The following BCAP31 variants were observed in gnomAD, a reference collection of about 807,000 sequenced individuals.
BCAP31 encodes B cell receptor associated protein 31, also known as B-cell receptor-associated protein 31.
For synonymous variants in BCAP31, 75 were observed against 80.9 expected (o/e 0.93, Z 0.39); for missense variants, 124 against 193.0 (o/e 0.64, Z 2.12).
At chrX:153,714,086 A>G (rs2091610500) in intron 4 of BCAP31, among the ~76,000 whole-genome samples, 1 of 107,994 alleles carries the variant, frequency 9.3e-6, no homozygotes, top group Non-Finnish European at 1.9e-5. Flanking sequence ...CATGTTGGCC[A>G]GGCTGGTCTC....
At chrX:153,724,163 G>A (rs1302521693) in intron 1 of BCAP31, 171 bp downstream of exon 1, 1 of 245,185 alleles carries the variant, frequency 4.1e-6, no homozygotes, top group Non-Finnish European at 7.5e-6. Flanking sequence ...CCAGCTTCTA[G>A]AGGCGCCGCC....
chrX:153,703,934 T>C, intron 5 of BCAP31, 25 bp downstream of exon 5: 1 of 1,206,983 alleles, frequency 8.3e-7, no homozygotes, highest in East Asian at 3.0e-5. Context: ...GGACGCCCCA[T>C]GGTGGGTCGG....
chrX:153,718,776 T>C (rs782749520), intron 3 of BCAP31, among the ~76,000 whole-genome samples: 3 of 111,713 alleles, frequency 2.7e-5, no homozygotes, highest in African/African-American at 9.8e-5. Flanking sequence ...ATAGTGGGGA[T>C]GGGGGACTGA....
At position 153,703,969 on chromosome X, in the gene BCAP31, T is replaced by C; in HGVS notation, c.467A>G (p.Gln156Arg). The change falls in exon 5 of 8, where the codon CAG becomes CGG. Residue 156 changes from glutamine to arginine, a missense_variant. By Grantham distance (43) the Gln-to-Arg change is conservative. Transcript: ENST00000345046. ...AAKKYMEENDQLKKGAAVDGG... is the reference protein window; with the variant it reads ...AAKKYMEENDRLKKGAAVDGG... Reference sequence around the variant, plus strand: ...GGAAGCTGGGCTCACCTTCTTGAGCTGGTCATTCTCCTCCATGTACTTCTT... The same window carrying C: ...GGAAGCTGGGCTCACCTTCTTGAGCCGGTCATTCTCCTCCATGTACTTCTT... 1 of 1,211,338 alleles carries C rather than the reference T, an allele frequency of 8.3e-7. No individual in the cohort carries two copies. Among genetic ancestry groups the C allele is most frequent in the Non-Finnish European group, 1.1e-6 (1 of 895,106 alleles).
chrX:153,704,014 T>C lies in BCAP31; in HGVS notation c.422A>G (p.Glu141Gly). 1 of 1,211,552 alleles carries C rather than the reference T, an allele frequency of 8.3e-7. No homozygotes were observed. The highest frequency in any genetic ancestry group is 1.1e-6 in the Non-Finnish European group (1 of 895,320). Residue 141 changes from glutamate to glycine, a missense_variant, in exon 5 of 8, where the codon GAG (glutamate) becomes GGG (glycine). Transcript: ENST00000345046. ...CTTCTTGGCCGCCTCACTAGCACTC[T>C]CCGCCTGCTTTTTAAAGGCTTCATT... The part of the protein sequence containing the change: ...ASNEAFKKQA[E>G]SASEAAKKYM...
At position 153,720,917 on chromosome X, in the gene BCAP31, T is replaced by C; in HGVS notation, c.148A>G (p.Thr50Ala). The part of the protein sequence containing the change: ...LVELLVSYGN[T>A]FFVVLIVILV... ...ATGACAATGAGAACCACAAAGAAGG[T>C]GTTGCCATAGGACACTAACAACTCC... The change falls in exon 3 of 8, where the codon ACC becomes GCC. Residue 50 changes from threonine to alanine, a missense_variant. Coordinates refer to ENST00000345046, the MANE Select transcript of BCAP31 (RefSeq NM_001256447.2). 8.3e-7 allele frequency: 1 copy of C among 1,211,256 alleles called. No individual in the cohort carries two copies. The highest frequency in any genetic ancestry group is 1.1e-6 in the Non-Finnish European group (1 of 895,334).
intron 2 of BCAP31, among the ~76,000 whole-genome samples, chrX:153,721,527 G>A (rs1231628279): frequency 1.1e-5 from 1 of 87,540 alleles, no homozygotes; most frequent in African/African-American, 4.4e-5. Context: ...ACAGAGTCTT[G>A]CTCTGTTGCC....
chrX:153,701,618 C>T (rs1557047352), intron 7 of BCAP31, among the ~76,000 whole-genome samples: 1 of 112,732 alleles, frequency 8.9e-6, no homozygotes, highest in Non-Finnish European at 1.9e-5. Context: ...CACCTTGTGC[C>T]CTCACTTGCC....
At chrX:153,722,690 G>A (rs1216927221) in intron 2 of BCAP31, among the ~76,000 whole-genome samples, 2 of 111,868 alleles carry the variant, frequency 1.8e-5, no homozygotes, top group African/African-American at 3.3e-5. Flanking sequence ...TCATTAAAAG[G>A]GAATATGGCT....
chrX:153,722,097 G>T (rs1392880108), intron 2 of BCAP31, among the ~76,000 whole-genome samples: 17 of 111,425 alleles, frequency 1.5e-4, no homozygotes, highest in Non-Finnish European at 1.7e-4. Flanking sequence ...CTGTTATGAT[G>T]AGATGGACCC....
chrX:153,701,018 C>T, intron 7 of BCAP31, 43 bp from the exon 8 acceptor site: 1 of 1,125,534 alleles, frequency 8.9e-7, no homozygotes, highest in Non-Finnish European at 1.2e-6. Flanking sequence ...TTGGCCGGGT[C>T]CACTCCTCCC....
At chrX:153,719,735 CAG>C (rs1311154961) in intron 3 of BCAP31, among the ~76,000 whole-genome samples, 7 of 111,610 alleles carry the variant, frequency 6.3e-5, no homozygotes, top group East Asian at 2.8e-4. Flanking sequence ...GGAGCCCAAA[CAG>C]GGGGACATAT....
chrX:153,722,083 G>A (rs782529814), intron 2 of BCAP31, among the ~76,000 whole-genome samples: 1 of 111,076 alleles, frequency 9.0e-6, no homozygotes, highest in South Asian at 3.8e-4. Flanking sequence ...TATATCCCCC[G>A]ACCCTGTTAT....
intron 1 of BCAP31, 23 bp downstream of exon 1, chrX:153,724,311 C>G: frequency 6.2e-6 from 1 of 160,648 alleles, no homozygotes; most frequent in Non-Finnish European, 1.2e-5. Context: ...CGGAGCCCAG[C>G]CCGGCGCGCG....
intron 4 of BCAP31, among the ~76,000 whole-genome samples, chrX:153,704,593 G>A (rs1233345072): frequency 1.8e-5 from 2 of 112,308 alleles, no homozygotes; most frequent in African/African-American, 6.5e-5. Flanking sequence ...CTGAAGTTCA[G>A]CAGCGTAAAT....
chrX:153,701,115 T>G, intron 7 of BCAP31, 140 bp from the exon 8 acceptor site: 3 of 517,913 alleles, frequency 5.8e-6, no homozygotes, highest in Non-Finnish European at 6.4e-6. Flanking sequence ...AGGGGCCCCC[T>G]CCCCAGCTGC....
Position 153,700,632 on chromosome X carries a change from C to T in BCAP31, c.*305G>A. The T allele has an allele frequency of 3.7e-6, 1 of 266,878 alleles. No homozygotes were observed. Among genetic ancestry groups the T allele is most frequent in the South Asian group, 1.3e-4 (1 of 7,606 alleles). 22.0% of individuals were successfully genotyped at this position (266,878 alleles called of 1,213,427 possible). ...TCAAACCAACAGGAAGTCAGCCCCACCGCAAGCCGGACTACAACTAACTCG... is the reference window on the plus strand; with the variant it reads ...TCAAACCAACAGGAAGTCAGCCCCATCGCAAGCCGGACTACAACTAACTCG... On this transcript the variant is annotated 3_prime_UTR_variant, in exon 8 of 8. Coordinates refer to ENST00000345046, the MANE Select transcript of BCAP31 (RefSeq NM_001256447.2).
rs1366918538 is a variant in BCAP31, at chrX:153,700,633, C to T, written c.*304G>A. ...CAAACCAACAGGAAGTCAGCCCCAC[C>T]GCAAGCCGGACTACAACTAACTCGT... is the stretch of plus-strand genomic sequence containing the variant. On this transcript the variant is annotated 3_prime_UTR_variant, in exon 8 of 8. Transcript: ENST00000345046. The T allele has an allele frequency of 1.9e-5, 5 of 263,889 alleles. No individual in the cohort carries two copies. Among genetic ancestry groups the T allele is most frequent in the African/African-American group, 8.6e-5 (3 of 34,962 alleles). 21.7% of individuals were successfully genotyped at this position (263,889 alleles called of 1,213,427 possible).
rs782249532 is a variant in BCAP31, at chrX:153,721,002, G to A, written c.93-30C>T. On this transcript the variant is annotated intron_variant, in intron 2 of 7. Coordinates refer to ENST00000345046, the MANE Select transcript of BCAP31 (RefSeq NM_001256447.2). ...GAAGAAGACAAAAAGGACAGGAGTT[G>A]AAGAGAAAGCACACACACGAGCTCT... The A allele has an allele frequency of 1.9e-5, 22 of 1,170,292 alleles. No homozygotes were observed. In the East Asian group the frequency reaches 6.2e-4, roughly 33 times the overall value.
Sources: allele counts gnomAD v4.1 joint callset (sites outside exome capture counted in the v4.1 genomes callset), GRCh38; gene constraint gnomAD v4.1.1; transcripts MANE v1.5; gene names NCBI Gene and HGNC (gene_info 2026-07-23, HGNC 2026-07-21).